Variants in FAXDC2 observed in about 807,000 individuals in gnomAD.
FAXDC2 encodes fatty acid hydroxylase domain containing 2, also known as fatty acid hydroxylase domain-containing protein 2.
A neutral mutation model predicts 40.9 loss-of-function variants in FAXDC2; 41 were observed. That is an observed-to-expected ratio of 1.00 (90% confidence interval 0.78 to 1.30). The LOEUF is 1.30. Ranked by LOEUF, FAXDC2 falls within the 50% of genes most tolerant of loss-of-function variation. The pLI is 0.00. For synonymous variants in FAXDC2, 157 were observed against 149.3 expected (o/e 1.05, Z -0.38); for missense variants, 390 against 408.8 (o/e 0.95, Z 0.40).
chr5:154,835,478 C>A (rs1315829834), intron 2 of FAXDC2, among the ~76,000 whole-genome samples: 3 of 152,220 alleles, frequency 2.0e-5, no homozygotes, highest in Non-Finnish European at 4.4e-5. Context: ...CTTTCCCAGT[C>A]ATACAGGCTT....
rs750041096 is a variant in FAXDC2, at chr5:154,838,120, C to T, written c.48+11G>A. The T allele has an allele frequency of 8.1e-6, 13 of 1,595,226 alleles. No homozygotes were observed. In the Admixed American group the frequency reaches 1.2e-4, roughly 14 times the overall value. On this transcript the variant is annotated intron_variant, in intron 2 of 8. Transcript: ENST00000326080. ...TTCTCACCAGTTTGGGGGCAAGGTGCTGGCATTTACCTGCTTTGACTTTTC... is the reference window on the plus strand; with the variant it reads ...TTCTCACCAGTTTGGGGGCAAGGTGTTGGCATTTACCTGCTTTGACTTTTC...
rs750591002 is a variant in FAXDC2, at chr5:154,821,410, G to A, written c.695C>T (p.Pro232Leu). The part of the protein sequence containing the change: ...PIEHAVSNML[P>L]VIVGPLVMGS... ...CATTACTAATGGGCCCACTATCACC[G>A]GTAGCATGTTGGAGACCTGCAAGAG... Residue 232 changes from proline (P) to leucine (L), a missense_variant, in exon 8 of 9, where the codon CCG (proline) becomes CTG (leucine). Coordinates refer to ENST00000326080, the MANE Select transcript of FAXDC2 (RefSeq NM_032385.5). 19 of 1,611,530 alleles carry A rather than the reference G, an allele frequency of 1.2e-5. No homozygotes were observed. The highest frequency in any genetic ancestry group is 5.1e-5 in the Admixed American group (3 of 59,360).
intron 1 of FAXDC2, among the ~76,000 whole-genome samples, chr5:154,845,261 G>A (rs1161113941): frequency 1.3e-5 from 2 of 152,228 alleles, no homozygotes; most frequent in African/African-American, 4.8e-5. Context: ...GGTTCTAGGG[G>A]AGACCTCAAA....
At chr5:154,845,677 A>T (rs1333784693) in intron 1 of FAXDC2, among the ~76,000 whole-genome samples, 2 of 152,130 alleles carry the variant, frequency 1.3e-5, no homozygotes, top group African/African-American at 4.8e-5. Context: ...AGCAAACAAA[A>T]AAAAACAAAC....
intron 1 of FAXDC2, among the ~76,000 whole-genome samples, chr5:154,841,619 TA>T (rs370899176): frequency 4.1e-4 from 63 of 152,346 alleles, no homozygotes; most frequent in African/African-American, 1.5e-3. Flanking sequence ...CTCATTGTCC[TA>T]AGCAGTTCCT....
intron 1 of FAXDC2, among the ~76,000 whole-genome samples, chr5:154,846,824 C>T (rs1360106483): frequency 6.6e-6 from 1 of 151,856 alleles, no homozygotes; most frequent in Non-Finnish European, 1.5e-5. Context: ...GTGCAATGAC[C>T]CAATCATGAT....
At chr5:154,838,544 G>C (rs1760407984) in intron 1 of FAXDC2, 1 of 247,794 alleles carries the variant, frequency 4.0e-6, no homozygotes, top group African/African-American at 2.4e-5. Context: ...GTTGCTGTAA[G>C]AGAAAAAAAT....
chr5:154,822,644 G>A, intron 6 of FAXDC2, 67 bp from the exon 7 acceptor site: 3 of 1,301,680 alleles, frequency 2.3e-6, no homozygotes, highest in Admixed American at 3.5e-5. Flanking sequence ...CAGACCATGA[G>A]AAACCAAAAA....
chr5:154,844,552 T>C (rs573066979), intron 1 of FAXDC2, among the ~76,000 whole-genome samples: 2 of 152,290 alleles, frequency 1.3e-5, no homozygotes, highest in Non-Finnish European at 2.9e-5. Flanking sequence ...TTAAAGCACC[T>C]GTTTATTTTC....
intron 5 of FAXDC2, among the ~76,000 whole-genome samples, chr5:154,828,055 G>A (rs886137978): frequency 4.0e-5 from 6 of 151,828 alleles, no homozygotes; most frequent in Non-Finnish European, 8.8e-5. Context: ...TCGTTCTGTC[G>A]CTTGGGCTGG....
intron 1 of FAXDC2, among the ~76,000 whole-genome samples, chr5:154,846,831 T>C (rs930241992): frequency 2.0e-5 from 3 of 152,190 alleles, no homozygotes; most frequent in African/African-American, 7.2e-5. Context: ...GACCCAATCA[T>C]GATTCACTGC....
At chr5:154,822,938 T>G (rs780572582) in intron 6 of FAXDC2, among the ~76,000 whole-genome samples, 28 of 152,214 alleles carry the variant, frequency 1.8e-4, no homozygotes, top group Non-Finnish European at 3.1e-4. Flanking sequence ...GTGGTCTCCC[T>G]GTTAACTATT....
intron 4 of FAXDC2, among the ~76,000 whole-genome samples, chr5:154,834,421 T>G (rs1385619925): frequency 1.3e-5 from 2 of 152,208 alleles, no homozygotes; most frequent in Non-Finnish European, 2.9e-5. Flanking sequence ...GAGTCTTAAC[T>G]TCTCAGCTTC....
intron 2 of FAXDC2, among the ~76,000 whole-genome samples, chr5:154,835,901 T>C (rs971632879): frequency 1.5e-5 from 2 of 129,388 alleles, no homozygotes; most frequent in African/African-American, 5.8e-5. Context: ...TTTTTTTTTT[T>C]TTTTTTTTTT....
chr5:154,842,796 C>T (rs973947408), intron 1 of FAXDC2, among the ~76,000 whole-genome samples: 2 of 151,392 alleles, frequency 1.3e-5, no homozygotes, highest in Non-Finnish European at 2.9e-5. Context: ...TCCCAAAGTG[C>T]TGCAATTACA....
chr5:154,833,677 C>CT (rs111583965), intron 4 of FAXDC2, among the ~76,000 whole-genome samples: 18,538 of 146,940 alleles, frequency 0.13, 1,319 homozygotes, highest in African/African-American at 0.21. Flanking sequence ...TTCTTTCTTT[C>CT]TTTTTTTTTT....
At chr5:154,833,634 G>A (rs542979658) in intron 4 of FAXDC2, among the ~76,000 whole-genome samples, 18 of 151,978 alleles carry the variant, frequency 1.2e-4, no homozygotes, top group African/African-American at 3.9e-4. Flanking sequence ...GATTACAGGC[G>A]TGAGCCACTG....
Position 154,823,604 on chromosome 5 carries a change from AAGGGAGG to A in FAXDC2, c.367-19_367-13del. 1 of 1,610,410 alleles carries A rather than the reference AAGGGAGG, an allele frequency of 6.2e-7. No individual in the cohort carries two copies. Among genetic ancestry groups the A allele is most frequent in the Non-Finnish European group, 8.5e-7 (1 of 1,176,994 alleles). On this transcript the variant is annotated splice_polypyrimidine_tract_variant and intron_variant, in intron 5 of 8. Transcript: ENST00000326080. ...TTCACAGGATCCACCTGCCCAAGGG[AAGGGAGG>A]AGGGAGATGGATAAGAGTGTGAGAA...
At position 154,822,473 on chromosome 5, in the gene FAXDC2, G is replaced by A. The variant is rs747555396; in HGVS notation, c.677C>T (p.Ala226Val). The change falls in exon 7 of 9, where the codon GCA becomes GTA. Residue 226 changes from alanine (A) to valine (V), a missense_variant and splice_region_variant. By Grantham distance (64) the Ala-to-Val change is moderately conservative. Transcript: ENST00000326080. Reference sequence around the variant, plus strand: ...TGGGGAGCATAGAGCTCTACTCACTGCATGCTCTATAGGGTGGGCATAGAG... The same window carrying A: ...TGGGGAGCATAGAGCTCTACTCACTACATGCTCTATAGGGTGGGCATAGAG... ...ISLYAHPIEH[A>V]VSNMLPVIVG... is the part of the protein sequence containing the mutation. The A allele has an allele frequency of 4.4e-6, 7 of 1,603,174 alleles. No individual in the cohort carries two copies. In the South Asian group the frequency reaches 5.5e-5, roughly 13 times the overall value.
Sources: gnomAD v4.1 joint callset for allele counts (sites outside exome capture counted in the v4.1 genomes callset) on GRCh38, gnomAD v4.1.1 for gene constraint, MANE v1.5 for transcripts, NCBI Gene and HGNC (gene_info 2026-07-23, HGNC 2026-07-21) for gene names.